The following PCDHGA10 variants were observed in gnomAD, a reference collection of about 807,000 sequenced individuals.
PCDHGA10 encodes protocadherin gamma-A10.
PCDHGA10 carries 42 observed loss-of-function variants against 59.5 expected under a neutral mutation model. That is an observed-to-expected ratio of 0.71 (90% CI 0.55 to 0.91). PCDHGA10 has a LOEUF of 0.91. PCDHGA10 is among the 40% of genes least tolerant of loss of function. The pLI is 0.00. For missense variants in PCDHGA10, 1,111 were observed against 1,198.2 expected (o/e 0.93, Z 1.07); for synonymous variants, 511 against 517.2 (o/e 0.99, Z 0.16).
chr5:141,422,382 T>C (rs1390444026), intron 1 of PCDHGA10: 5 of 1,585,154 alleles, frequency 3.2e-6, no homozygotes, highest in Admixed American at 1.8e-5. Context: ...AAGTCTCCTG[T>C]TTTATTCCTA....
chr5:141,473,274 TA>T (rs2099318463), intron 1 of PCDHGA10, among the ~76,000 whole-genome samples: 1 of 152,210 alleles, frequency 6.6e-6, no homozygotes, highest in South Asian at 2.1e-4. Context: ...ATGCTATGAT[TA>T]TTTTACTATG....
At chr5:141,469,671 A>T (rs1285283342) in intron 1 of PCDHGA10, among the ~76,000 whole-genome samples, 3 of 152,236 alleles carry the variant, frequency 2.0e-5, no homozygotes, top group Admixed American at 1.3e-4. Flanking sequence ...TTCTAATAAA[A>T]CTACATATGC....
Position 141,415,740 on chromosome 5 carries a change from G to GTTTTTTTTTTTTTTT in PCDHGA10, c.2436+147_2436+161dup, listed in dbSNP as rs57426385. 67 of 625,038 alleles carry GTTTTTTTTTTTTTTT rather than the reference G, an allele frequency of 1.1e-4. 1 individual carries two copies. Among genetic ancestry groups the GTTTTTTTTTTTTTTT allele is most frequent in the African/African-American group, 2.5e-4 (10 of 39,932 alleles). The allele number at this position is 625,038 out of a possible 1,614,324, so 38.7% of individuals were successfully genotyped here. A position where few individuals can be genotyped will look rare whatever the true frequency, so the allele number is the denominator to read the frequency against. ...TGAGTAGAATTTGATGTTTATTAAG[G>GTTTTTTTTTTTTTTT]TTTTTTTTTTTTTTTTTTTTTTTTT... On this transcript the variant is annotated intron_variant, in intron 1 of 3. Coordinates refer to ENST00000398610, the MANE Select transcript of PCDHGA10 (RefSeq NM_018913.3).
intron 1 of PCDHGA10, among the ~76,000 whole-genome samples, chr5:141,482,605 C>T (rs2099569133): frequency 6.7e-6 from 1 of 150,032 alleles, no homozygotes; most frequent in Admixed American, 6.6e-5. Flanking sequence ...GAAAAAACAC[C>T]TAAATGAGCC....
In PCDHGA10 at chr5:141,481,399, T is replaced by G. The variant is rs35677249; in HGVS notation, c.2437-13408T>G. 1.9e-3 allele frequency among the ~76,000 whole-genome samples: 284 copies of G among 152,356 alleles called. 1 individual carries two copies. Among genetic ancestry groups the G allele is most frequent in the Middle Eastern group, 0.01 (3 of 294 alleles). ...TTCTTTTTGGAGGGATGTGACAAAA[T>G]TCTTGTATAATTAGATTGTGATGAT... is the stretch of plus-strand genomic sequence containing the variant. On this transcript the variant is annotated intron_variant, in intron 1 of 3. Transcript: ENST00000398610.
At chr5:141,455,503 T>C (rs1005615473) in intron 1 of PCDHGA10, among the ~76,000 whole-genome samples, 3 of 152,302 alleles carry the variant, frequency 2.0e-5, no homozygotes, top group Middle Eastern at 3.4e-3. Context: ...CTGATTTGCA[T>C]AGGGCTCAGG....
intron 1 of PCDHGA10, among the ~76,000 whole-genome samples, chr5:141,494,568 C>T (rs2099755322): frequency 6.6e-6 from 1 of 152,138 alleles, no homozygotes; most frequent in African/African-American, 2.4e-5. Context: ...GGAAAGGAGT[C>T]TCAGCTTGCT....
intron 3 of PCDHGA10, among the ~76,000 whole-genome samples, chr5:141,509,069 G>A (rs1463164307): frequency 2.6e-5 from 4 of 152,174 alleles, no homozygotes; most frequent in African/African-American, 9.7e-5. Context: ...CTCAGCTCCG[G>A]GGATTTGCGA....
In PCDHGA10 at chr5:141,477,510, A is replaced by G; in HGVS notation, c.2437-17297A>G. On this transcript the variant is annotated intron_variant, in intron 1 of 3. Transcript: ENST00000398610. This position sits in a 1 kb window ranked among gnomAD's most constrained non-coding sequence, Gnocchi z 4.9. ...TCTTCTCAATCTTCCTACGACGTTT[A>G]CATTGAAGAAAACAACCTCCCCGGG... is the stretch of plus-strand genomic sequence containing the variant. 3 of 1,614,172 alleles carry G rather than the reference A, an allele frequency of 1.9e-6. No homozygotes were observed. Among genetic ancestry groups the G allele is most frequent in the Non-Finnish European group, 2.5e-6 (3 of 1,180,018 alleles).
In PCDHGA10 at chr5:141,477,602, C is replaced by G. The variant is rs772296229; in HGVS notation, c.2437-17205C>G. ...GCAGAATGCTCGGCTTTCTTTCTTT[C>G]TCTTGGAGCAAGGAGCTGAAACCGG... On this transcript the variant is annotated intron_variant, in intron 1 of 3. Coordinates refer to ENST00000398610, the MANE Select transcript of PCDHGA10 (RefSeq NM_018913.3). This position sits in a 1 kb window ranked among gnomAD's most constrained non-coding sequence, Gnocchi z 4.9. 6.2e-7 allele frequency: 1 copy of G among 1,614,098 alleles called. No homozygotes were observed. Among genetic ancestry groups the G allele is most frequent in the East Asian group, 2.2e-5 (1 of 44,898 alleles).
intron 1 of PCDHGA10, 129 bp downstream of exon 1, chr5:141,415,740 GTTTTTT>G (rs57426385): frequency 0.053 from 32,266 of 613,620 alleles, 66 homozygotes; most frequent in South Asian, 0.061. Flanking sequence ...GTTTATTAAG[GTTTTTT>G]TTTTTTTTTT....
chr5:141,476,979 G>T lies in PCDHGA10; in HGVS notation c.2437-17828G>T. The T allele has an allele frequency of 1.2e-6, 2 of 1,614,238 alleles. No individual in the cohort carries two copies. The highest frequency in any genetic ancestry group is 1.7e-6 in the Non-Finnish European group (2 of 1,180,042). The stretch of plus-strand genomic sequence containing the variant: ...ATTTACTCCTTCGGCAGCCACAACC[G>T]CGCCGGCGTGCGGCAACTATTCGCC... On this transcript the variant is annotated intron_variant, in intron 1 of 3. Coordinates refer to ENST00000398610, the MANE Select transcript of PCDHGA10 (RefSeq NM_018913.3). This position sits in a 1 kb window ranked among gnomAD's most constrained non-coding sequence, Gnocchi z 7.6.
chr5:141,451,536 G>A (rs1183287437), intron 1 of PCDHGA10, among the ~76,000 whole-genome samples: 1 of 152,202 alleles, frequency 6.6e-6, no homozygotes, highest in Non-Finnish European at 1.5e-5. Context: ...GAGAGTGCCA[G>A]AGAGGGCAAA....
Position 141,427,133 on chromosome 5 carries a change from A to AGAT in PCDHGA10, c.2436+11526_2436+11528dup, listed in dbSNP as rs370316028. 2.9e-4 allele frequency: 134 copies of AGAT among 457,190 alleles called. 1 individual carries two copies. The highest frequency in any genetic ancestry group is 2.4e-3 in the African/African-American group (123 of 50,216). The allele number at this position is 457,190 out of a possible 1,614,324, so 28.3% of individuals were successfully genotyped here. On this transcript the variant is annotated intron_variant, in intron 1 of 3. Transcript: ENST00000398610. ...TCACCTACTCTTTCAAATCCCTACG[A>AGAT]GATGATATTGGAAATATGTTTGTGC...
intron 1 of PCDHGA10, among the ~76,000 whole-genome samples, chr5:141,474,463 T>C (rs1447737626): frequency 6.6e-6 from 1 of 152,228 alleles, no homozygotes; most frequent in Admixed American, 6.5e-5. Flanking sequence ...GCTATACTCT[T>C]TATTCTAAAT....
chr5:141,436,040 C>A (rs989038133), intron 1 of PCDHGA10, among the ~76,000 whole-genome samples: 2 of 152,060 alleles, frequency 1.3e-5, no homozygotes, highest in African/African-American at 4.8e-5. Context: ...TTTGTATTTA[C>A]ATTAGTTTTC....
chr5:141,477,819 T>C lies in PCDHGA10; in HGVS notation c.2437-16988T>C. 1.9e-6 allele frequency: 3 copies of C among 1,614,138 alleles called. No individual in the cohort carries two copies. The highest frequency in any genetic ancestry group is 2.5e-6 in the Non-Finnish European group (3 of 1,180,030). On this transcript the variant is annotated intron_variant, in intron 1 of 3. Transcript: ENST00000398610. The surrounding 1 kb of genome is among the most constrained non-coding windows in gnomAD (Gnocchi z 4.9). ...CGCAATGACAATGCCCCCCAGGTCC[T>C]ATATCCTCGGCCAGGTGGGAGCTCG...
chr5:141,434,449 G>C (rs1392115883), intron 1 of PCDHGA10, among the ~76,000 whole-genome samples: 1 of 152,232 alleles, frequency 6.6e-6, no homozygotes, highest in Non-Finnish European at 1.5e-5. Context: ...ATGCTGGAAG[G>C]TAGTGGGTTT....
chr5:141,491,826 C>G lies in PCDHGA10; in HGVS notation c.2437-2981C>G. ...GGCTTGGTCGCTGGCTGCGCTCCAC[C>G]CGATTCTCGGGATCATTGGACCGTT... On this transcript the variant is annotated intron_variant, in intron 1 of 3. Coordinates refer to ENST00000398610, the MANE Select transcript of PCDHGA10 (RefSeq NM_018913.3). The surrounding 1 kb of genome is among the most constrained non-coding windows in gnomAD (Gnocchi z 6.9). 1 of 1,477,526 alleles carries G rather than the reference C, an allele frequency of 6.8e-7. No individual in the cohort carries two copies. The highest frequency in any genetic ancestry group is 9.0e-7 in the Non-Finnish European group (1 of 1,114,486). 91.5% of individuals were successfully genotyped at this position (1,477,526 alleles called of 1,614,324 possible). A position where few individuals can be genotyped will look rare whatever the true frequency, so the allele number is the denominator to read the frequency against.
Sources: allele counts gnomAD v4.1 joint callset (sites outside exome capture counted in the v4.1 genomes callset), GRCh38; gene constraint gnomAD v4.1.1; non-coding constraint Gnocchi (gnomAD v3.1); transcripts MANE v1.5; gene names NCBI Gene and HGNC (gene_info 2026-07-23, HGNC 2026-07-21).